Variants in LAMP2 observed in about 807,000 individuals in gnomAD.
LAMP2 encodes the protein lysosome-associated membrane glycoprotein 2.
In LAMP2, 4 loss-of-function variants were observed where a neutral mutation model predicts 25.6. That is an observed-to-expected ratio of 0.16 (90% CI 0.08 to 0.36). The LOEUF (loss-of-function observed/expected upper bound fraction) is 0.36, where lower values mean the gene tolerates loss of function less well. LAMP2 is among the 10% of genes least tolerant of loss of function. The probability of loss-of-function intolerance (pLI) is 1.00; values close to 1 mark genes in which losing one functional copy is unlikely to be tolerated. For synonymous variants in LAMP2, 108 were observed against 112.7 expected (o/e 0.96, Z 0.27); for missense variants, 272 against 301.4 (o/e 0.90, Z 0.72).
At chrX:120,467,714 G>A (rs1921598385) in intron 1 of LAMP2, among the ~76,000 whole-genome samples, 1 of 111,661 alleles carries the variant, frequency 9.0e-6, no homozygotes, top group Non-Finnish European at 1.9e-5. Context: ...TGCCTATTAG[G>A]GCACAACACA....
chrX:120,429,136 G>A lies in LAMP2; in HGVS notation c.*2187C>T, dbSNP rs2058511796. 1.5e-6 allele frequency: 1 copy of A among 660,501 alleles called. No homozygotes were observed. The highest frequency in any genetic ancestry group is 1.8e-6 in the Non-Finnish European group (1 of 560,000). 54.4% of individuals were successfully genotyped at this position (660,501 alleles called of 1,213,427 possible). Reference sequence around the variant, plus strand: ...TGTATATGTGTATATATATGTGTGTGTGTATATATATGTGTGTGTGTGTAC... The same window carrying A: ...TGTATATGTGTATATATATGTGTGTATGTATATATATGTGTGTGTGTGTAC... On this transcript the variant is annotated 3_prime_UTR_variant, in exon 9 of 9. Coordinates refer to ENST00000200639, the MANE Select transcript of LAMP2 (RefSeq NM_002294.3).
intron 1 of LAMP2, 150 bp downstream of exon 1, chrX:120,468,956 G>A: frequency 4.9e-6 from 3 of 615,945 alleles, no homozygotes; most frequent in Non-Finnish European, 8.3e-6. Context: ...CTAGGTCACC[G>A]CTTGCCTCCC....
In LAMP2 at chrX:120,456,690, C is replaced by T; in HGVS notation, c.144G>A (p.Met48Ile). Residue 48 changes from methionine (M) to isoleucine (I), a missense_variant, in exon 2 of 9, where the codon ATG becomes ATA. Physicochemically the swap from Met to Ile is conservative, Grantham distance 10 (BLOSUM62 1). Transcript: ENST00000200639. Reference protein sequence around the residue: ...NATCLYAKWQMNFTVRYETTN... With the variant: ...NATCLYAKWQINFTVRYETTN... ...TAGTTTCATAGCGTACTGTGAAATT[C>T]ATCTGCCATTTTGCATAAAGGCAAG... The T allele has an allele frequency of 1.7e-6, 2 of 1,180,297 alleles. No homozygotes were observed. The highest frequency in any genetic ancestry group is 2.3e-6 in the Non-Finnish European group (2 of 870,939).
chrX:120,454,086 G>A (rs757825703), intron 3 of LAMP2, among the ~76,000 whole-genome samples: 2 of 110,898 alleles, frequency 1.8e-5, no homozygotes, highest in East Asian at 2.8e-4. Context: ...TAAAATGTAC[G>A]CCATTCTGAG....
At chrX:120,468,243 C>T (rs1325762998) in intron 1 of LAMP2, among the ~76,000 whole-genome samples, 1 of 111,410 alleles carries the variant, frequency 9.0e-6, no homozygotes. Flanking sequence ...CCCAAAACCT[C>T]ACATCTGGGA....
intron 1 of LAMP2, among the ~76,000 whole-genome samples, chrX:120,467,552 C>A (rs1569374157): frequency 9.0e-6 from 1 of 111,685 alleles, no homozygotes; most frequent in Non-Finnish European, 1.9e-5. Flanking sequence ...TATTTCTTCC[C>A]CACTCCCATC....
intron 4 of LAMP2, among the ~76,000 whole-genome samples, chrX:120,448,548 G>C (rs2058608365): frequency 8.9e-6 from 1 of 112,453 alleles, no homozygotes; most frequent in Non-Finnish European, 1.9e-5. Flanking sequence ...TAGTTTTCCA[G>C]AACTGGTGAA....
intron 1 of LAMP2, among the ~76,000 whole-genome samples, chrX:120,457,632 T>G (rs1459836078): frequency 3.6e-5 from 4 of 112,208 alleles, no homozygotes; most frequent in Non-Finnish European, 7.5e-5. Context: ...TCTTCTACAC[T>G]TAAACATAGA....
chrX:120,456,563 G>T, intron 2 of LAMP2, 88 bp downstream of exon 2: 2 of 464,188 alleles, frequency 4.3e-6, no homozygotes, highest in South Asian at 3.9e-5. Flanking sequence ...AGTCAACGTG[G>T]AATTTCATTT....
intron 1 of LAMP2, among the ~76,000 whole-genome samples, chrX:120,465,770 T>TACTA (rs1227167344): frequency 7.1e-5 from 8 of 112,309 alleles, no homozygotes; most frequent in African/African-American, 2.6e-4. Flanking sequence ...TCTAGCTACA[T>TACTA]AGTAGGTACT....
rs1353282320 is a variant in LAMP2, at chrX:120,431,481, C to T, written c.1094-19G>A. On this transcript the variant is annotated intron_variant, in intron 8 of 8. Coordinates refer to ENST00000200639, the MANE Select transcript of LAMP2 (RefSeq NM_002294.3). Reference sequence around the variant, plus strand: ...TCTTGAGCTAGATGTGGAGAAAGGACAATTGAGAACAGAAACAGTGACAAA... The same window carrying T: ...TCTTGAGCTAGATGTGGAGAAAGGATAATTGAGAACAGAAACAGTGACAAA... 2.6e-6 allele frequency: 3 copies of T among 1,167,507 alleles called. No homozygotes were observed. The highest frequency in any genetic ancestry group is 3.5e-6 in the Non-Finnish European group (3 of 856,403).
chrX:120,461,984 A>G (rs7056868), intron 1 of LAMP2, among the ~76,000 whole-genome samples: 44,188 of 110,696 alleles, frequency 0.4, 6,394 homozygotes, highest in Middle Eastern at 0.47. Context: ...TTTACACTTT[A>G]TTAAAAAGTA....
At chrX:120,434,793 T>G (rs1171363487) in intron 8 of LAMP2, among the ~76,000 whole-genome samples, 1 of 112,043 alleles carries the variant, frequency 8.9e-6, no homozygotes, top group African/African-American at 3.2e-5. Flanking sequence ...ACTGGAAAGC[T>G]GAGGTATACA....
chrX:120,448,103 A>G, intron 4 of LAMP2, 78 bp from the exon 5 acceptor site: 1 of 904,260 alleles, frequency 1.1e-6, no homozygotes, highest in Non-Finnish European at 1.6e-6. Flanking sequence ...AACCAAAAAA[A>G]ATTCTCATAA....
intron 6 of LAMP2, among the ~76,000 whole-genome samples, chrX:120,444,970 C>A (rs770711900): frequency 1.8e-5 from 2 of 111,961 alleles, no homozygotes; most frequent in Non-Finnish European, 3.8e-5. Flanking sequence ...TTTTGGATTA[C>A]GTTTTAAGAT....
intron 8 of LAMP2, chrX:120,439,312 G>A (rs1251563550): frequency 8.4e-7 from 1 of 1,184,712 alleles, no homozygotes; most frequent in Admixed American, 2.2e-5. Flanking sequence ...GAGAAAAAGT[G>A]TGTAATAAAT....
At chrX:120,458,931 C>T (rs1921211782) in intron 1 of LAMP2, among the ~76,000 whole-genome samples, 1 of 111,878 alleles carries the variant, frequency 8.9e-6, no homozygotes, top group Non-Finnish European at 1.9e-5. Flanking sequence ...ATTAATAATC[C>T]TTAAGTACCA....
intron 8 of LAMP2, among the ~76,000 whole-genome samples, chrX:120,436,162 ACACACACACTCTCT>A (rs2058542611): frequency 2.3e-5 from 2 of 87,160 alleles, no homozygotes; most frequent in South Asian, 9.4e-4. Context: ...ACACACACAC[ACACACACACTCTCT>A]CTCTCTCTCT....
chrX:120,452,708 C>A (rs996836473), intron 3 of LAMP2, among the ~76,000 whole-genome samples: 1 of 97,406 alleles, frequency 1.0e-5, no homozygotes, highest in South Asian at 4.8e-4. Flanking sequence ...CGCCACCACA[C>A]CTGGCTTTTT....
Sources: allele counts gnomAD v4.1 joint callset (sites outside exome capture counted in the v4.1 genomes callset), GRCh38; gene constraint gnomAD v4.1.1; transcripts MANE v1.5; gene names NCBI Gene and HGNC (gene_info 2026-07-23, HGNC 2026-07-21).